Variants in PRKN observed in about 807,000 individuals in gnomAD.
PRKN encodes the protein E3 ubiquitin-protein ligase parkin.
PRKN carries 56 observed loss-of-function variants against 59.5 expected under a neutral mutation model. The ratio of observed to expected loss-of-function variants is 0.94; its 90% CI spans 0.76 to 1.18. PRKN has a LOEUF of 1.18. Ranked by LOEUF, PRKN falls within the 50% of genes most tolerant of loss-of-function variation. The pLI, the probability that PRKN is intolerant of heterozygous loss-of-function variation, is 0.00. For synonymous variants in PRKN, 250 were observed against 222.1 expected, an observed-to-expected ratio of 1.13 and a Z score of -1.12; for missense variants, 657 against 596.4, an observed-to-expected ratio of 1.10 and a Z score of -1.06.
At chr6:162,469,324 G>T (rs370568241) in intron 1 of PRKN, among the ~76,000 whole-genome samples, 6 of 118,962 alleles carry the variant, frequency 5.0e-5, no homozygotes, top group African/African-American at 1.6e-4. Flanking sequence ...AGAATTTGTG[G>T]AATGTTAAGA....
At chr6:162,723,704 C>T (rs1292124546) in intron 1 of PRKN, among the ~76,000 whole-genome samples, 3 of 152,090 alleles carry the variant, frequency 2.0e-5, no homozygotes, top group South Asian at 2.1e-4. Context: ...AATTGTCATA[C>T]GATTTTTATT....
chr6:161,702,453 G>A (rs1786293117), intron 7 of PRKN, among the ~76,000 whole-genome samples: 1 of 152,084 alleles, frequency 6.6e-6, no homozygotes, highest in Non-Finnish European at 1.5e-5. Flanking sequence ...AAATAGGTAT[G>A]ATTGTATGAT....
At chr6:161,902,546 CTATTTATT>C (rs139514314) in intron 6 of PRKN, among the ~76,000 whole-genome samples, 2 of 100,260 alleles carry the variant, frequency 2.0e-5, no homozygotes, top group Admixed American at 1.9e-4. Flanking sequence ...ATCTATCTAT[CTATTTATT>C]TATTTATTTA....
chr6:162,376,210 A>G (rs1786066814), intron 2 of PRKN, among the ~76,000 whole-genome samples: 1 of 152,022 alleles, frequency 6.6e-6, no homozygotes, highest in Admixed American at 6.6e-5. Flanking sequence ...AAGAACACAG[A>G]CCGCACCCTT....
chr6:161,725,542 A>C (rs1328078300), intron 7 of PRKN, among the ~76,000 whole-genome samples: 1 of 152,204 alleles, frequency 6.6e-6, no homozygotes, highest in Non-Finnish European at 1.5e-5. Flanking sequence ...TACAAATTTC[A>C]AAGACAGCAC....
intron 4 of PRKN, among the ~76,000 whole-genome samples, chr6:162,158,599 T>C (rs527786369): frequency 6.6e-6 from 1 of 152,090 alleles, no homozygotes; most frequent in Admixed American, 6.5e-5. Context: ...GCCTGGCTAA[T>C]TTTTTATTTT....
chr6:161,893,240 A>C (rs1777484847), intron 6 of PRKN, among the ~76,000 whole-genome samples: 1 of 152,216 alleles, frequency 6.6e-6, no homozygotes, highest in South Asian at 2.1e-4. Flanking sequence ...CTTTCAAGGC[A>C]AAGGTATAGA....
At chr6:161,973,273 G>A (rs1330387780) in intron 6 of PRKN, 29 bp downstream of exon 6, 4 of 1,379,784 alleles carry the variant, frequency 2.9e-6, no homozygotes, top group Non-Finnish European at 3.1e-6. Context: ...CGTCCGTGGA[G>A]GGAAGTGACA....
At chr6:162,186,568 T>TA (rs1784043475) in intron 4 of PRKN, among the ~76,000 whole-genome samples, 1 of 152,172 alleles carries the variant, frequency 6.6e-6, no homozygotes, top group African/African-American at 2.4e-5. Flanking sequence ...GAAACAGTGA[T>TA]ATGATTTGGA....
chr6:162,595,260 TTTTC>T lies in PRKN; in HGVS notation c.7+132398_7+132401del, dbSNP rs1208556810. 3.9e-5 allele frequency among the ~76,000 whole-genome samples: 6 copies of T among 152,204 alleles called. 1 individual carries two copies. The South Asian group carries it at 8.3e-4, about 21-fold the overall frequency. On this transcript the variant is annotated intron_variant, in intron 1 of 11. Transcript: ENST00000366898. ...TGAGTTTTCTTTTTTTCTTTTTCTT[TTTTC>T]TTTATTTTTTTTTGAGACTGAGTTT...
chr6:161,742,831 G>A (rs1428263962), intron 7 of PRKN, among the ~76,000 whole-genome samples: 1 of 152,168 alleles, frequency 6.6e-6, no homozygotes, highest in Non-Finnish European at 1.5e-5. Flanking sequence ...CCACACAGCT[G>A]GTGAATGCCC....
At chr6:162,298,710 C>T (rs773622224) in intron 2 of PRKN, among the ~76,000 whole-genome samples, 5 of 144,122 alleles carry the variant, frequency 3.5e-5, no homozygotes, top group Non-Finnish European at 7.4e-5. Flanking sequence ...AAGCAGCAAT[C>T]TTGGGGAGAG....
In PRKN at chr6:161,659,724, C is replaced by T. The variant is rs1020149268; in HGVS notation, c.872-90308G>A. On this transcript the variant is annotated intron_variant, in intron 7 of 11. Transcript: ENST00000366898. ...TTTTGGAGTCAGACAGGCCTGAGGT[C>T]AGATCTCGGCTTGTCGTCACTGGCT... Among the ~76,000 whole-genome samples, 8 of 151,900 alleles carry T rather than the reference C, an allele frequency of 5.3e-5. No homozygotes were observed. In the East Asian group the frequency reaches 1.4e-3, roughly 26 times the overall value.
rs116233569 is a variant in PRKN at position 161,598,717 on chromosome 6, C to T, written c.872-29301G>A. Among the ~76,000 whole-genome samples the T allele has an allele frequency of 1.4e-4, 21 of 152,242 alleles. No individual in the cohort carries two copies. In the East Asian group the frequency reaches 2.5e-3, roughly 18 times the overall value. On this transcript the variant is annotated intron_variant, in intron 7 of 11. Coordinates refer to ENST00000366898, the MANE Select transcript of PRKN (RefSeq NM_004562.3). Reference sequence around the variant, plus strand: ...ACAGGATATTTAACAATATATGTTACGAAAGTATGTACAGCAGATAGATTA... The same window carrying T: ...ACAGGATATTTAACAATATATGTTATGAAAGTATGTACAGCAGATAGATTA...
At chr6:161,727,256 C>A (rs1259285392) in intron 7 of PRKN, among the ~76,000 whole-genome samples, 2 of 152,166 alleles carry the variant, frequency 1.3e-5, no homozygotes, top group Non-Finnish European at 2.9e-5. Flanking sequence ...CCAACCCCTG[C>A]AGGGCAAATG....
intron 6 of PRKN, among the ~76,000 whole-genome samples, chr6:161,874,633 AAT>A (rs1262249934): frequency 3.1e-4 from 6 of 19,296 alleles, no homozygotes; most frequent in Admixed American, 3.0e-3. Context: ...GTAATATATA[AAT>A]ATATATTACA....
At chr6:162,098,745 T>A (rs1273222733) in intron 4 of PRKN, among the ~76,000 whole-genome samples, 1 of 152,230 alleles carries the variant, frequency 6.6e-6, no homozygotes, top group African/African-American at 2.4e-5. Context: ...AAGACATTTC[T>A]TCCATGTACT....
intron 3 of PRKN, among the ~76,000 whole-genome samples, chr6:162,216,505 C>G (rs968832352): frequency 7.1e-6 from 1 of 140,158 alleles, no homozygotes; most frequent in Admixed American, 7.5e-5. Context: ...AGTCCGCAGT[C>G]CGGCCTGGGC....
At chr6:162,571,667 G>A (rs185457106) in intron 1 of PRKN, among the ~76,000 whole-genome samples, 287 of 152,212 alleles carry the variant, frequency 1.9e-3, no homozygotes, top group African/African-American at 5.5e-3. Context: ...TAAAGTACCC[G>A]TGGGATGTCC....
Sources: gnomAD v4.1 joint callset for allele counts (sites outside exome capture counted in the v4.1 genomes callset) on GRCh38, gnomAD v4.1.1 for gene constraint, MANE v1.5 for transcripts, NCBI Gene and HGNC (gene_info 2026-07-23, HGNC 2026-07-21) for gene names.